Variants in EIF4EBP1 observed in about 807,000 individuals in gnomAD.
EIF4EBP1 encodes the protein eukaryotic translation initiation factor 4E-binding protein 1.
A neutral mutation model predicts 9.2 loss-of-function variants in EIF4EBP1; 5 were observed. That is an observed-to-expected ratio of 0.54 (90% confidence interval 0.28 to 1.14). The LOEUF (loss-of-function observed/expected upper bound fraction) is 1.14. Ranked by LOEUF, EIF4EBP1 falls within the 50% of genes most tolerant of loss-of-function variation. The pLI, the probability that EIF4EBP1 is intolerant of heterozygous loss-of-function variation, is 0.09. For synonymous variants in EIF4EBP1, 62 were observed against 67.0 expected (o/e 0.93, Z 0.36); for missense variants, 139 against 169.6 (o/e 0.82, Z 1.00).
chr8:38,044,117 C>A (rs1809419053), intron 1 of EIF4EBP1, among the ~76,000 whole-genome samples: 1 of 151,976 alleles, frequency 6.6e-6, no homozygotes, highest in Admixed American at 6.6e-5. Flanking sequence ...CCACCCCGGC[C>A]CTGTTGTGAA....
intron 2 of EIF4EBP1, among the ~76,000 whole-genome samples, chr8:38,058,410 C>T (rs1054046504): frequency 6.6e-6 from 1 of 152,118 alleles, no homozygotes; most frequent in Non-Finnish European, 1.5e-5. Flanking sequence ...CCTGTGGTAA[C>T]CCATTAATCC....
In EIF4EBP1 at chr8:38,051,601, T is replaced by A. The variant is rs114799149; in HGVS notation, c.146-5480T>A. 6.6e-3 allele frequency among the ~76,000 whole-genome samples: 1,005 copies of A among 151,882 alleles called. 7 individuals carry two copies. The highest frequency in any genetic ancestry group is 0.015 in the African/African-American group (627 of 41,452). On this transcript the variant is annotated intron_variant, in intron 1 of 2. Coordinates refer to ENST00000338825, the MANE Select transcript of EIF4EBP1 (RefSeq NM_004095.4). Reference sequence around the variant, plus strand: ...GGTTTTGTTTTCCTTTTATTTATATTTTTTTTTATTTTTTTGTGACAGAGT... The same window carrying A: ...GGTTTTGTTTTCCTTTTATTTATATATTTTTTTATTTTTTTGTGACAGAGT...
intron 1 of EIF4EBP1, among the ~76,000 whole-genome samples, chr8:38,056,546 T>G (rs1281212883): frequency 2.6e-5 from 4 of 151,938 alleles, no homozygotes; most frequent in Non-Finnish European, 5.9e-5. Flanking sequence ...CAGGTGCAGT[T>G]GGTGGCCTGC....
chr8:38,032,473 C>T (rs970157819), intron 1 of EIF4EBP1, among the ~76,000 whole-genome samples: 5 of 152,164 alleles, frequency 3.3e-5, no homozygotes, highest in Non-Finnish European at 7.3e-5. Flanking sequence ...GCACTCCAGC[C>T]TGGGTGACAG....
chr8:38,052,388 G>A (rs532594691), intron 1 of EIF4EBP1, among the ~76,000 whole-genome samples: 5 of 151,172 alleles, frequency 3.3e-5, no homozygotes, highest in South Asian at 2.1e-4. Context: ...AGCCTCCCGC[G>A]TAGCTAGGAC....
In EIF4EBP1 at chr8:38,042,297, G is replaced by A. The variant is rs191983303; in HGVS notation, c.145+11579G>A. ...AATGAGAATAGCAGAGGGTACAGTC[G>A]GGCTCAGTACTCCCTTTGGTTTGGA... is the stretch of plus-strand genomic sequence containing the variant. On this transcript the variant is annotated intron_variant, in intron 1 of 2. Coordinates refer to ENST00000338825, the MANE Select transcript of EIF4EBP1 (RefSeq NM_004095.4). Among the ~76,000 whole-genome samples the A allele has an allele frequency of 5.5e-4, 84 of 152,120 alleles. 1 individual carries two copies. The highest frequency in any genetic ancestry group is 1.7e-3 in the African/African-American group (72 of 41,424).
At chr8:38,045,269 A>T (rs1359043347) in intron 1 of EIF4EBP1, among the ~76,000 whole-genome samples, 1 of 152,182 alleles carries the variant, frequency 6.6e-6, no homozygotes, top group African/African-American at 2.4e-5. Flanking sequence ...AGCCCAGAAC[A>T]TCTGCCTCCA....
chr8:38,042,036 G>C (rs1444903867), intron 1 of EIF4EBP1, among the ~76,000 whole-genome samples: 1 of 151,852 alleles, frequency 6.6e-6, no homozygotes, highest in Non-Finnish European at 1.5e-5. Flanking sequence ...CATGATGCTG[G>C]ACCGCTAAGC....
intron 1 of EIF4EBP1, among the ~76,000 whole-genome samples, chr8:38,044,193 G>A (rs909136162): frequency 1.5e-4 from 23 of 150,372 alleles, no homozygotes; most frequent in African/African-American, 5.4e-4. Flanking sequence ...CTCTCACTAA[G>A]CCTCACGTCC....
intron 1 of EIF4EBP1, among the ~76,000 whole-genome samples, chr8:38,041,601 T>C (rs1015483178): frequency 6.6e-6 from 1 of 152,142 alleles, no homozygotes; most frequent in Non-Finnish European, 1.5e-5. Flanking sequence ...CACAACCCTG[T>C]GAATCAGGGT....
At chr8:38,058,612 C>G (rs1263663471) in intron 2 of EIF4EBP1, among the ~76,000 whole-genome samples, 2 of 152,198 alleles carry the variant, frequency 1.3e-5, no homozygotes, top group African/African-American at 4.8e-5. Context: ...CCCCATATCC[C>G]CAAAGACTTA....
chr8:38,032,491 C>T (rs1227231511), intron 1 of EIF4EBP1, among the ~76,000 whole-genome samples: 1 of 152,162 alleles, frequency 6.6e-6, no homozygotes, highest in Non-Finnish European at 1.5e-5. Flanking sequence ...CAGAGCGAGA[C>T]CCTATCTCTA....
At chr8:38,040,524 C>T (rs981143906) in intron 1 of EIF4EBP1, among the ~76,000 whole-genome samples, 1 of 152,210 alleles carries the variant, frequency 6.6e-6, no homozygotes, top group South Asian at 2.1e-4. Context: ...TGTTCTCCAT[C>T]TTTTGGGTTC....
intron 1 of EIF4EBP1, among the ~76,000 whole-genome samples, chr8:38,038,780 C>T (rs1168582577): frequency 1.3e-5 from 2 of 152,090 alleles, no homozygotes; most frequent in Non-Finnish European, 2.9e-5. Context: ...CATTTAGCCC[C>T]ACAAACATGA....
rs145276054 is a variant in EIF4EBP1, at chr8:38,038,433, G to A, written c.145+7715G>A. 9.8e-3 allele frequency among the ~76,000 whole-genome samples: 1,452 copies of A among 148,792 alleles called. 23 individuals are homozygous for A. Among genetic ancestry groups the A allele is most frequent in the African/African-American group, 0.034 (1,377 of 40,664 alleles). ...TGAGGCAGAAGAATCGCTTGAACCC[G>A]GGAGACAGAGGTTGCAGTGAGCCGA... On this transcript the variant is annotated intron_variant, in intron 1 of 2. Coordinates refer to ENST00000338825, the MANE Select transcript of EIF4EBP1 (RefSeq NM_004095.4).
chr8:38,046,048 G>A (rs181083694), intron 1 of EIF4EBP1, among the ~76,000 whole-genome samples: 53 of 152,158 alleles, frequency 3.5e-4, no homozygotes, highest in African/African-American at 1.1e-3. Flanking sequence ...GATTACAGGC[G>A]TCTGCCACCA....
chr8:38,032,591 C>G (rs1474329437), intron 1 of EIF4EBP1, among the ~76,000 whole-genome samples: 3 of 152,126 alleles, frequency 2.0e-5, no homozygotes, highest in Non-Finnish European at 2.9e-5. Context: ...GCTGACAGAC[C>G]ACAGCAAATC....
Position 38,054,169 on chromosome 8 carries a change from C to A in EIF4EBP1, c.146-2912C>A, listed in dbSNP as rs568721585. Among the ~76,000 whole-genome samples, 260 of 152,056 alleles carry A rather than the reference C, an allele frequency of 1.7e-3. 1 individual carries two copies. The highest frequency in any genetic ancestry group is 6.0e-3 in the African/African-American group (248 of 41,490). ...GCTATGATAAACAAACCAACAACAA[C>A]AAAAAAAGTGTGGCTCATGTCTGTA... On this transcript the variant is annotated intron_variant, in intron 1 of 2. Transcript: ENST00000338825.
At chr8:38,058,033 G>A (rs368449623) in intron 2 of EIF4EBP1, among the ~76,000 whole-genome samples, 1 of 152,150 alleles carries the variant, frequency 6.6e-6, no homozygotes, top group Non-Finnish European at 1.5e-5. Flanking sequence ...GGAAGCAGCA[G>A]GGACCTCAGC....
Sources: allele counts gnomAD v4.1 joint callset (sites outside exome capture counted in the v4.1 genomes callset), GRCh38; gene constraint gnomAD v4.1.1; transcripts MANE v1.5; gene names NCBI Gene and HGNC (gene_info 2026-07-23, HGNC 2026-07-21).